RSRC1: variants seen among roughly 807,000 people sequenced by gnomAD.
RSRC1 encodes the protein arginine and serine rich coiled-coil 1.
In RSRC1, 39 loss-of-function variants were observed where a neutral mutation model predicts 49.1. That is an observed-to-expected ratio of 0.79 (90% CI 0.61 to 1.04). The LOEUF is 1.04. Ranked by LOEUF, RSRC1 falls within the 50% of genes least tolerant of loss-of-function variation. The pLI, the probability that RSRC1 is intolerant of heterozygous loss-of-function variation, is 0.00. For missense variants in RSRC1, 388 were observed against 402.4 expected (o/e 0.96, Z 0.31); for synonymous variants, 143 against 130.8 (o/e 1.09, Z -0.63).
chr3:158,518,834 A>C (rs923773982), intron 7 of RSRC1, among the ~76,000 whole-genome samples: 1 of 152,144 alleles, frequency 6.6e-6, no homozygotes, highest in Non-Finnish European at 1.5e-5. Flanking sequence ...TACCAGCGTG[A>C]CCATTCTGTC....
At chr3:158,366,529 A>G (rs1382159577) in intron 6 of RSRC1, among the ~76,000 whole-genome samples, 5 of 152,280 alleles carry the variant, frequency 3.3e-5, no homozygotes, top group Non-Finnish European at 4.4e-5. Flanking sequence ...TACCAGTGCC[A>G]TGCTGTTTTG....
chr3:158,361,290 C>T (rs1731456130), intron 6 of RSRC1, among the ~76,000 whole-genome samples: 1 of 152,160 alleles, frequency 6.6e-6, no homozygotes, highest in Non-Finnish European at 1.5e-5. Flanking sequence ...TCGAATTGGG[C>T]ACCGCTGGCC....
intron 5 of RSRC1, among the ~76,000 whole-genome samples, chr3:158,326,184 A>G (rs1477363435): frequency 2.0e-5 from 3 of 152,156 alleles, no homozygotes; most frequent in Non-Finnish European, 2.9e-5. Flanking sequence ...AACAGGGACA[A>G]TTTGACTTCC....
chr3:158,500,522 A>G (rs541464726), intron 7 of RSRC1, among the ~76,000 whole-genome samples: 2 of 152,054 alleles, frequency 1.3e-5, no homozygotes, highest in Non-Finnish European at 2.9e-5. Flanking sequence ...TTTTTTAATT[A>G]CCATTTCAAT....
rs562468505 is a variant in RSRC1 at position 158,337,242 on chromosome 3, G to A, written c.532-17615G>A. Among the ~76,000 whole-genome samples, 53 of 152,264 alleles carry A rather than the reference G, an allele frequency of 3.5e-4. 1 individual carries two copies. The South Asian group carries it at 9.9e-3, about 29-fold the overall frequency. ...ACATCCTCATTCCACCTCCTTCTGA[G>A]TGGGGCTGCAGAAGTCCTTGCTATC... On this transcript the variant is annotated intron_variant, in intron 5 of 9. Transcript: ENST00000611884.
intron 6 of RSRC1, among the ~76,000 whole-genome samples, chr3:158,362,929 A>G (rs1044289705): frequency 6.6e-6 from 1 of 152,252 alleles, no homozygotes; most frequent in Non-Finnish European, 1.5e-5. Flanking sequence ...TACTTTTAAT[A>G]GAATTGACAC....
intron 4 of RSRC1, among the ~76,000 whole-genome samples, chr3:158,210,392 C>T (rs577645603): frequency 6.6e-6 from 1 of 150,544 alleles, no homozygotes; most frequent in Non-Finnish European, 1.5e-5. Flanking sequence ...ATCTTGTTGC[C>T]TTTCACCAGT....
chr3:158,127,762 T>G (rs1715726300), intron 3 of RSRC1, among the ~76,000 whole-genome samples: 1 of 149,042 alleles, frequency 6.7e-6, no homozygotes, highest in Non-Finnish European at 1.5e-5. Context: ...TGTGGTTTTT[T>G]TTTTTTTTTT....
intron 4 of RSRC1, among the ~76,000 whole-genome samples, chr3:158,216,858 G>C (rs1360151896): frequency 1.3e-5 from 2 of 151,600 alleles, no homozygotes; most frequent in South Asian, 4.2e-4. Flanking sequence ...CTGTTCCTCT[G>C]ATGCTCATGC....
chr3:158,523,447 G>A (rs1343034590), intron 7 of RSRC1, among the ~76,000 whole-genome samples: 1 of 151,836 alleles, frequency 6.6e-6, no homozygotes, highest in Non-Finnish European at 1.5e-5. Context: ...ACATATGAGG[G>A]AACTTTTAAA....
intron 6 of RSRC1, among the ~76,000 whole-genome samples, chr3:158,397,405 A>G (rs1733669854): frequency 1.3e-5 from 2 of 152,176 alleles, no homozygotes; most frequent in Admixed American, 6.6e-5. Flanking sequence ...ATACTGTTTT[A>G]CATGCTATAT....
intron 4 of RSRC1, among the ~76,000 whole-genome samples, chr3:158,236,616 C>A (rs2107981940): frequency 6.6e-6 from 1 of 152,254 alleles, no homozygotes; most frequent in South Asian, 2.1e-4. Context: ...GAGATTTATC[C>A]ATGTTGCATG....
chr3:158,480,306 C>G (rs1026509884), intron 7 of RSRC1, among the ~76,000 whole-genome samples: 5 of 151,588 alleles, frequency 3.3e-5, no homozygotes, highest in African/African-American at 9.7e-5. Flanking sequence ...GAATAAGAAG[C>G]CCTAAAGTTC....
intron 6 of RSRC1, among the ~76,000 whole-genome samples, chr3:158,415,599 A>G (rs547060654): frequency 1.3e-5 from 2 of 152,154 alleles, no homozygotes; most frequent in South Asian, 2.1e-4. Context: ...ATAATATAGA[A>G]TAATTCAGTA....
chr3:158,458,923 T>G (rs909101067), intron 6 of RSRC1, among the ~76,000 whole-genome samples: 4 of 152,132 alleles, frequency 2.6e-5, no homozygotes, highest in African/African-American at 9.7e-5. Flanking sequence ...AAAAGAACAT[T>G]TTTTCCAGAT....
intron 6 of RSRC1, among the ~76,000 whole-genome samples, chr3:158,426,594 A>G (rs907891350): frequency 8.6e-5 from 13 of 151,776 alleles, no homozygotes; most frequent in Non-Finnish European, 1.3e-4. Flanking sequence ...TTTAACAGCT[A>G]TTAATTTGCG....
chr3:158,413,184 T>C (rs540124172), intron 6 of RSRC1, among the ~76,000 whole-genome samples: 1 of 151,308 alleles, frequency 6.6e-6, no homozygotes, highest in South Asian at 2.1e-4. Flanking sequence ...AGAAATAAGA[T>C]CACATCTGCA....
intron 3 of RSRC1, among the ~76,000 whole-genome samples, chr3:158,132,927 A>G (rs976198844): frequency 7.9e-5 from 12 of 152,202 alleles, no homozygotes; most frequent in Non-Finnish European, 1.5e-4. Flanking sequence ...ATAGACTTAA[A>G]TGTAGTTTTG....
At chr3:158,413,800 A>G (rs1734598064) in intron 6 of RSRC1, among the ~76,000 whole-genome samples, 1 of 152,190 alleles carries the variant, frequency 6.6e-6, no homozygotes, top group Admixed American at 6.6e-5. Flanking sequence ...ATCTCATGCC[A>G]ATCAAAATGG....
Sources: gnomAD v4.1 joint callset for allele counts (sites outside exome capture counted in the v4.1 genomes callset) on GRCh38, gnomAD v4.1.1 for gene constraint, MANE v1.5 for transcripts, NCBI Gene and HGNC (gene_info 2026-07-23, HGNC 2026-07-21) for gene names.